The following INPP5D variants were observed in gnomAD, a reference collection of about 807,000 sequenced individuals.
The protein encoded by INPP5D is phosphatidylinositol 3,4,5-trisphosphate 5-phosphatase 1.
In INPP5D, 33 loss-of-function variants were observed where a neutral mutation model predicts 122.9. The observed-to-expected ratio is 0.27, with a 90% CI of 0.20 to 0.36. INPP5D has a LOEUF of 0.36. INPP5D is among the 10% of genes least tolerant of loss of function. The pLI is 1.00. For synonymous variants in INPP5D, 584 were observed against 576.2 expected (o/e 1.01, Z -0.19); for missense variants, 1,053 against 1,412.7 (o/e 0.75, Z 4.08).
intron 25 of INPP5D, among the ~76,000 whole-genome samples, chr2:233,201,093 C>T (rs1159491911): frequency 1.3e-5 from 2 of 152,142 alleles, no homozygotes; most frequent in East Asian, 3.8e-4. Context: ...CTCTCTCTGC[C>T]TCTGTACAGA....
At chr2:233,129,932 C>T (rs1693271139) in intron 4 of INPP5D, among the ~76,000 whole-genome samples, 2 of 151,830 alleles carry the variant, frequency 1.3e-5, no homozygotes, top group African/African-American at 4.8e-5. Flanking sequence ...GACAGTGTCT[C>T]ACTCTGTCAC....
At chr2:233,165,894 A>G (rs1245233435) in intron 13 of INPP5D, among the ~76,000 whole-genome samples, 3 of 151,954 alleles carry the variant, frequency 2.0e-5, no homozygotes, top group African/African-American at 7.3e-5. Context: ...GTGGGGTGGT[A>G]TACACACAGG....
chr2:233,192,831 A>G (rs1695086779), intron 22 of INPP5D, among the ~76,000 whole-genome samples: 1 of 152,190 alleles, frequency 6.6e-6, no homozygotes, highest in African/African-American at 2.4e-5. Context: ...GGCGCTTGAC[A>G]CCAAACTGAT....
intron 9 of INPP5D, among the ~76,000 whole-genome samples, chr2:233,152,138 A>G (rs1693939294): frequency 6.6e-6 from 1 of 152,162 alleles, no homozygotes; most frequent in South Asian, 2.1e-4. Context: ...ATGCCTCCAC[A>G]AGACAGGGGT....
chr2:233,136,200 G>A (rs1017484531), intron 5 of INPP5D, among the ~76,000 whole-genome samples: 19 of 152,150 alleles, frequency 1.2e-4, no homozygotes, highest in Admixed American at 2.0e-4. Context: ...ATAGAAGGCC[G>A]GGCCTAGTGG....
intron 12 of INPP5D, 37 bp downstream of exon 12, chr2:233,163,940 A>G: frequency 1.9e-6 from 3 of 1,605,492 alleles, no homozygotes; most frequent in South Asian, 2.2e-5. Context: ...GGCTTCCGGG[A>G]TAGAATCTTT....
At chr2:233,163,928 T>A in intron 12 of INPP5D, 25 bp downstream of exon 12, 1 of 1,610,420 alleles carries the variant, frequency 6.2e-7, no homozygotes, top group Non-Finnish European at 8.5e-7. Context: ...GCACGCTGGG[T>A]GGGCTTCCGG....
At chr2:233,137,846 AAAAAAAAATATATATATATATATATATAT>A (rs1693510910) in intron 5 of INPP5D, among the ~76,000 whole-genome samples, 2 of 15,310 alleles carry the variant, frequency 1.3e-4, no homozygotes, top group African/African-American at 3.5e-4. Flanking sequence ...AAAAAAAAAA[AAAAAAAAATATATATATATATATATATAT>A]ATATATATAT....
intron 9 of INPP5D, among the ~76,000 whole-genome samples, chr2:233,153,711 A>C (rs1055117275): frequency 6.6e-6 from 1 of 152,194 alleles, no homozygotes; most frequent in Non-Finnish European, 1.5e-5. Flanking sequence ...CCATGTAGCC[A>C]GTGGCTCCTC....
rs1694291031 is a variant in INPP5D at position 233,164,976 on chromosome 2, C to G, written c.1555+552C>G. ...GGCCCCTGCCCTCGGTCCCTGTGCA[C>G]CAGGTTGGATCTGGAAACGCTGGTG... is the stretch of plus-strand genomic sequence containing the variant. On this transcript the variant is annotated intron_variant, in intron 13 of 26. Transcript: ENST00000445964. This position sits in a 1 kb window ranked among gnomAD's most constrained non-coding sequence, Gnocchi z 4.3. Among the ~76,000 whole-genome samples, 2 of 152,160 alleles carry G rather than the reference C, an allele frequency of 1.3e-5. No homozygotes were observed. Among genetic ancestry groups the G allele is most frequent in the Non-Finnish European group, 1.5e-5 (1 of 68,038 alleles).
chr2:233,074,547 T>C (rs540128429), intron 1 of INPP5D, among the ~76,000 whole-genome samples: 82 of 152,212 alleles, frequency 5.4e-4, no homozygotes, highest in Non-Finnish European at 9.6e-4. Context: ...GAGTGGCGAA[T>C]GGTGAACAGT....
chr2:233,161,859 C>T, intron 11 of INPP5D, 33 bp downstream of exon 11: 2 of 1,592,884 alleles, frequency 1.3e-6, no homozygotes, highest in Non-Finnish European at 1.7e-6. Flanking sequence ...TGCAGTCACC[C>T]CCTCTGCTTC....
At chr2:233,184,865 G>A (rs1694869173) in intron 20 of INPP5D, among the ~76,000 whole-genome samples, 1 of 152,060 alleles carries the variant, frequency 6.6e-6, no homozygotes, top group African/African-American at 2.4e-5. Flanking sequence ...GAGAGTGTTG[G>A]GCCCAGGTCC....
chr2:233,147,302 C>T (rs769274345), intron 8 of INPP5D, among the ~76,000 whole-genome samples, 169 bp from the exon 9 acceptor site: 6 of 152,314 alleles, frequency 3.9e-5, no homozygotes, highest in South Asian at 4.1e-4. Context: ...TCCCGGGAGA[C>T]GCCTGTGGAA....
Position 233,164,223 on chromosome 2 carries a change from G to A in INPP5D, c.1438-84G>A. 1 of 1,474,470 alleles carries A rather than the reference G, an allele frequency of 6.8e-7. No homozygotes were observed. The highest frequency in any genetic ancestry group is 9.0e-7 in the Non-Finnish European group (1 of 1,108,440). 91.3% of individuals were successfully genotyped at this position (1,474,470 alleles called of 1,614,324 possible). A position where few individuals can be genotyped will look rare whatever the true frequency, so the allele number is the denominator to read the frequency against. ...ACAGGATACCCCATACCCAGGGGCT[G>A]CGGCTGGGGCTGGGTGTGAATCACT... On this transcript the variant is annotated intron_variant, in intron 12 of 26. Coordinates refer to ENST00000445964, the MANE Select transcript of INPP5D (RefSeq NM_001017915.3). This position sits in a 1 kb window ranked among gnomAD's most constrained non-coding sequence, Gnocchi z 4.3.
intron 2 of INPP5D, among the ~76,000 whole-genome samples, chr2:233,097,031 T>G (rs1317642140): frequency 1.3e-5 from 2 of 152,252 alleles, no homozygotes; most frequent in Non-Finnish European, 2.9e-5. Context: ...TTATTTATTT[T>G]TATGTTTGGT....
chr2:233,162,326 T>A (rs1388071686), intron 11 of INPP5D, among the ~76,000 whole-genome samples: 1 of 144,366 alleles, frequency 6.9e-6, no homozygotes, highest in African/African-American at 2.5e-5. Context: ...TATGTTTAGC[T>A]ACAAACAAAT....
chr2:233,173,981 A>C (rs1694557558), intron 17 of INPP5D, among the ~76,000 whole-genome samples: 1 of 152,054 alleles, frequency 6.6e-6, no homozygotes, highest in Non-Finnish European at 1.5e-5. Flanking sequence ...AGGCTGAAAC[A>C]GGCTCAGGAT....
rs1285906607 is a variant in INPP5D at position 233,069,605 on chromosome 2, C to T, written c.134+8993C>T. Among the ~76,000 whole-genome samples, 3 of 152,000 alleles carry T rather than the reference C, an allele frequency of 2.0e-5. No individual in the cohort carries two copies. In the East Asian group the frequency reaches 5.8e-4, roughly 29 times the overall value. ...TTAGTTAGAATTTCTTCCTAAATAT[C>T]ATATTTTAATTTTAGTCTGAGATTT... On this transcript the variant is annotated intron_variant, in intron 1 of 26. Coordinates refer to ENST00000445964, the MANE Select transcript of INPP5D (RefSeq NM_001017915.3).
Sources: allele counts gnomAD v4.1 joint callset (sites outside exome capture counted in the v4.1 genomes callset), GRCh38; gene constraint gnomAD v4.1.1; non-coding constraint Gnocchi (gnomAD v3.1); transcripts MANE v1.5; gene names NCBI Gene and HGNC (gene_info 2026-07-23, HGNC 2026-07-21).